CTNNA3: variants seen among roughly 807,000 people sequenced by gnomAD.
CTNNA3 encodes catenin alpha 3, also known as catenin alpha-3.
In CTNNA3, 76 loss-of-function variants were observed where a neutral mutation model predicts 95.7. That is an observed-to-expected ratio of 0.79 (90% CI 0.66 to 0.96). The LOEUF is 0.96. Among genes scored for constraint, CTNNA3 ranks in the 40% least tolerant of loss-of-function variants. CTNNA3 has a pLI of 0.00. For synonymous variants in CTNNA3, 431 were observed against 374.4 expected (o/e 1.15, Z -1.74); for missense variants, 1,191 against 1,089.8 (o/e 1.09, Z -1.31).
intron 5 of CTNNA3, among the ~76,000 whole-genome samples, chr10:67,377,655 T>C (rs1843748861): frequency 6.6e-6 from 1 of 152,086 alleles, no homozygotes; most frequent in Non-Finnish European, 1.5e-5. Context: ...CATTGACATA[T>C]AATAATTATA....
intron 17 of CTNNA3, among the ~76,000 whole-genome samples, chr10:65,935,008 T>C (rs144985216): frequency 6.6e-6 from 1 of 152,262 alleles, no homozygotes; most frequent in East Asian, 1.9e-4. Flanking sequence ...GTGCCCAGTG[T>C]GTCCATATGA....
intron 5 of CTNNA3, among the ~76,000 whole-genome samples, chr10:67,431,277 T>C (rs2132897503): frequency 6.6e-6 from 1 of 152,134 alleles, no homozygotes; most frequent in South Asian, 2.1e-4. Context: ...AACTCTAAAC[T>C]TGTCTTGGAA....
At chr10:66,557,447 A>G (rs1033932474) in intron 10 of CTNNA3, among the ~76,000 whole-genome samples, 14 of 152,198 alleles carry the variant, frequency 9.2e-5, no homozygotes, top group Non-Finnish European at 1.9e-4. Flanking sequence ...AAAAATTGGT[A>G]TATACCATGT....
chr10:65,965,142 A>C (rs997493820), intron 17 of CTNNA3, among the ~76,000 whole-genome samples: 1 of 152,200 alleles, frequency 6.6e-6, no homozygotes, highest in Non-Finnish European at 1.5e-5. Flanking sequence ...ATACCATCTT[A>C]TAATTTCCAA....
chr10:66,187,609 G>A (rs1241348636), intron 13 of CTNNA3, among the ~76,000 whole-genome samples: 2 of 151,746 alleles, frequency 1.3e-5, no homozygotes, highest in Non-Finnish European at 2.9e-5. Context: ...AGCAAAAGCT[G>A]GGAGACTTAT....
intron 3 of CTNNA3, among the ~76,000 whole-genome samples, chr10:67,553,771 T>A (rs572201210): frequency 3.9e-5 from 6 of 152,244 alleles, no homozygotes; most frequent in Admixed American, 1.3e-4. Context: ...CTTTTTTTTT[T>A]AATTATACTT....
At chr10:66,063,832 T>A (rs1231876822) in intron 15 of CTNNA3, among the ~76,000 whole-genome samples, 1 of 152,146 alleles carries the variant, frequency 6.6e-6, no homozygotes, top group East Asian at 1.9e-4. Context: ...ATGCATATAA[T>A]GCATATAATT....
chr10:65,931,388 G>C (rs796697892), intron 17 of CTNNA3, among the ~76,000 whole-genome samples: 1 of 152,264 alleles, frequency 6.6e-6, no homozygotes, highest in African/African-American at 2.4e-5. Context: ...TTTAAACATA[G>C]GTTAAGCAGC....
intron 5 of CTNNA3, among the ~76,000 whole-genome samples, chr10:67,244,611 AAT>A (rs1865841244): frequency 6.6e-6 from 1 of 152,228 alleles, no homozygotes; most frequent in African/African-American, 2.4e-5. Flanking sequence ...GTTCTTCAGA[AAT>A]TGTTAGATAA....
At chr10:66,811,724 A>G (rs1841885758) in intron 7 of CTNNA3, among the ~76,000 whole-genome samples, 1 of 152,188 alleles carries the variant, frequency 6.6e-6, no homozygotes, top group African/African-American at 2.4e-5. Context: ...GGAATTGTGC[A>G]TGATCGCTTT....
intron 10 of CTNNA3, among the ~76,000 whole-genome samples, chr10:66,559,503 G>A (rs1157295628): frequency 6.6e-6 from 1 of 151,784 alleles, no homozygotes; most frequent in Non-Finnish European, 1.5e-5. Flanking sequence ...CAGAGGTCAG[G>A]GATGCTGCTA....
chr10:66,623,933 T>C (rs1221544446), intron 9 of CTNNA3, among the ~76,000 whole-genome samples: 1 of 152,172 alleles, frequency 6.6e-6, no homozygotes, highest in East Asian at 1.9e-4. Flanking sequence ...AAATTCTGCA[T>C]GGCTCTTTAG....
At chr10:66,680,476 G>C (rs1240131617) in intron 9 of CTNNA3, among the ~76,000 whole-genome samples, 1 of 152,194 alleles carries the variant, frequency 6.6e-6, no homozygotes, top group Non-Finnish European at 1.5e-5. Context: ...GCAAAATTCT[G>C]TCATTTATGT....
At chr10:66,672,217 G>A (rs1224891015) in intron 9 of CTNNA3, among the ~76,000 whole-genome samples, 2 of 152,058 alleles carry the variant, frequency 1.3e-5, no homozygotes, top group Admixed American at 1.3e-4. Context: ...CCTCATCCTG[G>A]CCATTCACCT....
At chr10:66,469,778 G>A (rs2131870656) in intron 11 of CTNNA3, among the ~76,000 whole-genome samples, 1 of 151,872 alleles carries the variant, frequency 6.6e-6, no homozygotes, top group East Asian at 1.9e-4. Context: ...GTGAACAGAA[G>A]AGAAAGATAT....
At chr10:67,186,037 A>C (rs1862830209) in intron 6 of CTNNA3, among the ~76,000 whole-genome samples, 1 of 151,758 alleles carries the variant, frequency 6.6e-6, no homozygotes, top group African/African-American at 2.4e-5. Context: ...CAAAAAAAAA[A>C]AAAAAAAAAT....
chr10:67,187,271 T>C (rs935221237), intron 6 of CTNNA3, among the ~76,000 whole-genome samples: 4 of 152,180 alleles, frequency 2.6e-5, no homozygotes, highest in African/African-American at 9.7e-5. Context: ...TTATCATCAT[T>C]AATTTATACA....
intron 3 of CTNNA3, among the ~76,000 whole-genome samples, chr10:67,562,900 G>A (rs1379093677): frequency 6.6e-6 from 1 of 152,090 alleles, no homozygotes; most frequent in Non-Finnish European, 1.5e-5. Flanking sequence ...CTGCTTCAAA[G>A]AGAATAAAAT....
intron 11 of CTNNA3, among the ~76,000 whole-genome samples, chr10:66,460,751 T>G (rs1258428117): frequency 2.6e-5 from 4 of 152,206 alleles, no homozygotes; most frequent in Non-Finnish European, 5.9e-5. Flanking sequence ...TTTCATCTTC[T>G]TCCTGAGTGG....
Sources: allele counts gnomAD v4.1 joint callset (sites outside exome capture counted in the v4.1 genomes callset), GRCh38; gene constraint gnomAD v4.1.1; transcripts MANE v1.5; gene names NCBI Gene and HGNC (gene_info 2026-07-23, HGNC 2026-07-21).